Variants in MAGI2 observed in about 807,000 individuals in gnomAD.
MAGI2 encodes the protein membrane-associated guanylate kinase, WW and PDZ domain-containing protein 2.
MAGI2 carries 35 observed loss-of-function variants against 133.3 expected under a neutral mutation model. The observed-to-expected ratio is 0.26, with a 90% confidence interval of 0.20 to 0.35. The LOEUF is 0.35. Among genes scored for constraint, MAGI2 ranks in the 10% least tolerant of loss-of-function variants. The probability of loss-of-function intolerance (pLI) is 1.00; values close to 1 mark genes in which losing one functional copy is unlikely to be tolerated. For synonymous variants in MAGI2, 729 were observed against 710.6 expected, an observed-to-expected ratio of 1.03 and a Z score of -0.41; for missense variants, 1,636 against 1,863.4, an observed-to-expected ratio of 0.88 and a Z score of 2.25.
chr7:79,111,977 T>C (rs986881066), intron 1 of MAGI2, among the ~76,000 whole-genome samples: 4 of 151,858 alleles, frequency 2.6e-5, no homozygotes, highest in African/African-American at 9.7e-5. Flanking sequence ...CATATAGAGA[T>C]TTTAACTCCA....
chr7:79,173,800 A>C (rs1020742498), intron 1 of MAGI2, among the ~76,000 whole-genome samples: 9 of 152,144 alleles, frequency 5.9e-5, no homozygotes, highest in Non-Finnish European at 2.9e-5. Flanking sequence ...AAACATTATA[A>C]TAGTACTTAG....
intron 1 of MAGI2, among the ~76,000 whole-genome samples, chr7:79,205,756 G>GTGTGT: frequency 6.8e-6 from 1 of 147,984 alleles, no homozygotes; most frequent in Non-Finnish European, 1.5e-5. Flanking sequence ...AATGTAGAGG[G>GTGTGT]GTGTGTGTGT....
At chr7:79,045,406 T>C (rs748149957) in intron 1 of MAGI2, among the ~76,000 whole-genome samples, 2 of 152,244 alleles carry the variant, frequency 1.3e-5, no homozygotes, top group African/African-American at 2.4e-5. Context: ...CATTTACTTA[T>C]AATTTGTTAC....
At chr7:78,230,291 G>A (rs1471012648) in intron 10 of MAGI2, among the ~76,000 whole-genome samples, 1 of 152,180 alleles carries the variant, frequency 6.6e-6, no homozygotes, top group East Asian at 1.9e-4. Flanking sequence ...AAGTTACATA[G>A]GGTGTACAGA....
intron 2 of MAGI2, among the ~76,000 whole-genome samples, chr7:78,864,964 C>T (rs117409764): frequency 5.3e-5 from 8 of 152,270 alleles, no homozygotes; most frequent in Non-Finnish European, 1.0e-4. Flanking sequence ...GCCCCAGGAA[C>T]GCGCAACTAG....
chr7:78,732,624 G>A (rs1821477691), intron 2 of MAGI2, among the ~76,000 whole-genome samples: 1 of 152,068 alleles, frequency 6.6e-6, no homozygotes, highest in African/African-American at 2.4e-5. Context: ...GTATACAAAT[G>A]TTTATTGTAA....
chr7:78,307,538 A>C (rs757745579), intron 9 of MAGI2, among the ~76,000 whole-genome samples: 1 of 152,180 alleles, frequency 6.6e-6, no homozygotes, highest in Non-Finnish European at 1.5e-5. Context: ...CTTATACTAC[A>C]GTGTTGTAAC....
At chr7:78,076,473 A>AT in intron 21 of MAGI2, among the ~76,000 whole-genome samples, 1 of 150,498 alleles carries the variant, frequency 6.6e-6, no homozygotes, top group African/African-American at 2.4e-5. Context: ...AAAAAAAAAA[A>AT]GGTGTGCCTG....
intron 2 of MAGI2, among the ~76,000 whole-genome samples, chr7:78,948,613 C>A (rs1262098957): frequency 2.0e-5 from 3 of 151,910 alleles, no homozygotes; most frequent in African/African-American, 4.8e-5. Context: ...TTTTATAGAA[C>A]GACATTAGGC....
chr7:78,701,568 A>T (rs896108354), intron 2 of MAGI2, among the ~76,000 whole-genome samples: 3 of 151,940 alleles, frequency 2.0e-5, no homozygotes, highest in Admixed American at 6.6e-5. Flanking sequence ...AAAAGGTGGT[A>T]TTTGTGCTAA....
chr7:79,449,875 T>C (rs930094736), intron 1 of MAGI2, among the ~76,000 whole-genome samples: 1 of 86,428 alleles, frequency 1.2e-5, no homozygotes, highest in Non-Finnish European at 2.5e-5. Context: ...GTGAGATATA[T>C]ACATATATAT....
chr7:78,468,397 C>A (rs577778893), intron 6 of MAGI2, among the ~76,000 whole-genome samples: 2 of 152,090 alleles, frequency 1.3e-5, no homozygotes, highest in East Asian at 1.9e-4. Context: ...GGGCATGTGA[C>A]AACTTAAGGC....
At chr7:78,579,715 C>T (rs1161385932) in intron 3 of MAGI2, among the ~76,000 whole-genome samples, 1 of 152,148 alleles carries the variant, frequency 6.6e-6, no homozygotes. Context: ...ATATAAGCCA[C>T]TTCTAGGAGA....
chr7:78,467,112 G>A (rs538015119), intron 6 of MAGI2, among the ~76,000 whole-genome samples: 1 of 152,248 alleles, frequency 6.6e-6, no homozygotes, highest in Non-Finnish European at 1.5e-5. Context: ...GGACAGCGAG[G>A]AGATGCAAAC....
chr7:79,124,486 G>A (rs748385300), intron 1 of MAGI2, among the ~76,000 whole-genome samples: 12 of 152,120 alleles, frequency 7.9e-5, no homozygotes, highest in Non-Finnish European at 1.6e-4. Flanking sequence ...TTGAACTTAG[G>A]TCTACTGACT....
chr7:78,381,941 G>A (rs182996286), intron 6 of MAGI2, among the ~76,000 whole-genome samples: 1 of 152,274 alleles, frequency 6.6e-6, no homozygotes, highest in Non-Finnish European at 1.5e-5. Context: ...TCTCCTCTGA[G>A]AAATTTCTCT....
At chr7:79,217,458 A>G (rs1830109745) in intron 1 of MAGI2, among the ~76,000 whole-genome samples, 1 of 152,064 alleles carries the variant, frequency 6.6e-6, no homozygotes, top group Admixed American at 6.5e-5. Flanking sequence ...TAAGAGCTTT[A>G]TATGTAACTG....
intron 2 of MAGI2, among the ~76,000 whole-genome samples, chr7:79,004,122 T>G (rs908158059): frequency 6.6e-6 from 1 of 152,172 alleles, no homozygotes; most frequent in African/African-American, 2.4e-5. Context: ...GGAATAAATA[T>G]AGGAGATCAG....
At chr7:78,101,901 C>A (rs1241141360) in intron 20 of MAGI2, among the ~76,000 whole-genome samples, 1 of 152,158 alleles carries the variant, frequency 6.6e-6, no homozygotes, top group African/African-American at 2.4e-5. Flanking sequence ...TTGAAGAAAT[C>A]CGTGTATGCC....
Sources: allele counts gnomAD v4.1 joint callset (sites outside exome capture counted in the v4.1 genomes callset), GRCh38; gene constraint gnomAD v4.1.1; transcripts MANE v1.5; gene names NCBI Gene and HGNC (gene_info 2026-07-23, HGNC 2026-07-21).